AKAP6: variants seen among roughly 807,000 people sequenced by gnomAD.
The protein encoded by AKAP6 is A-kinase anchoring protein 6.
In AKAP6, 58 loss-of-function variants were observed where a neutral mutation model predicts 188.5. The ratio of observed to expected loss-of-function variants is 0.31; its 90% confidence interval spans 0.25 to 0.38. The LOEUF (loss-of-function observed/expected upper bound fraction) is 0.38, where lower values mean the gene tolerates loss of function less well. AKAP6 is among the 10% of genes least tolerant of loss of function. AKAP6 has a pLI of 1.00. For synonymous variants in AKAP6, 989 were observed against 998.6 expected (o/e 0.99, Z 0.18); for missense variants, 2,710 against 2,740.0 (o/e 0.99, Z 0.24).
At chr14:32,746,851 A>G (rs887475560) in intron 11 of AKAP6, among the ~76,000 whole-genome samples, 2 of 152,162 alleles carry the variant, frequency 1.3e-5, no homozygotes, top group Non-Finnish European at 2.9e-5. Flanking sequence ...TCCTTATTCC[A>G]TTCTGAATAC....
chr14:32,545,284 T>C lies in AKAP6; in HGVS notation c.631T>C (p.Cys211Arg). 6.2e-7 allele frequency: 1 copy of C among 1,614,186 alleles called. No homozygotes were observed. The highest frequency in any genetic ancestry group is 8.5e-7 in the Non-Finnish European group (1 of 1,180,020). Residue 211 changes from cysteine to arginine, a missense_variant, in exon 4 of 14, where the codon TGT becomes CGT. Cys to Arg is a radical substitution (Grantham distance 180). Coordinates refer to ENST00000280979, the MANE Select transcript of AKAP6 (RefSeq NM_004274.5). ...VDDSGQLTIK[C>R]SQNYLSLDCG... ...TGACTCAGGACAATTAACCATCAAA[T>C]GTTCTCAAAATTACTTGTCTCTGGA...
intron 2 of AKAP6, among the ~76,000 whole-genome samples, chr14:32,534,012 T>G (rs1478880410): frequency 6.6e-6 from 1 of 152,194 alleles, no homozygotes; most frequent in East Asian, 1.9e-4. Flanking sequence ...GTTCTTGGGT[T>G]TCAAGAACTA....
chr14:32,497,671 C>G (rs969744888), intron 2 of AKAP6, among the ~76,000 whole-genome samples: 1 of 152,014 alleles, frequency 6.6e-6, no homozygotes, highest in East Asian at 1.9e-4. Flanking sequence ...CATCTTCTCT[C>G]TATGCCCTTA....
chr14:32,390,090 C>T (rs773179697), intron 1 of AKAP6, among the ~76,000 whole-genome samples: 10 of 152,082 alleles, frequency 6.6e-5, no homozygotes, highest in Admixed American at 2.0e-4. Flanking sequence ...AGTTTGAATA[C>T]GTTGTCTTCG....
intron 4 of AKAP6, among the ~76,000 whole-genome samples, chr14:32,551,730 C>T (rs1261368423): frequency 2.6e-5 from 4 of 151,878 alleles, no homozygotes; most frequent in Non-Finnish European, 5.9e-5. Context: ...ACGATCTCGG[C>T]TCACTGCAAG....
chr14:32,348,782 G>A (rs1887162442), intron 1 of AKAP6, among the ~76,000 whole-genome samples: 1 of 152,144 alleles, frequency 6.6e-6, no homozygotes, highest in Non-Finnish European at 1.5e-5. Flanking sequence ...AAACCAGGGT[G>A]CTTTTTCCAC....
At chr14:32,535,281 A>AC (rs1448364188) in intron 2 of AKAP6, among the ~76,000 whole-genome samples, 4 of 152,212 alleles carry the variant, frequency 2.6e-5, no homozygotes, top group African/African-American at 9.6e-5. Context: ...TGCACCTCTC[A>AC]CCTTGGCTGA....
At chr14:32,671,234 A>T (rs1044251473) in intron 7 of AKAP6, among the ~76,000 whole-genome samples, 1 of 152,142 alleles carries the variant, frequency 6.6e-6, no homozygotes, top group Non-Finnish European at 1.5e-5. Flanking sequence ...TGCAAACACA[A>T]GCAAATGCCC....
At chr14:32,581,457 A>G (rs1203956366) in intron 5 of AKAP6, among the ~76,000 whole-genome samples, 4 of 152,030 alleles carry the variant, frequency 2.6e-5, no homozygotes, top group Non-Finnish European at 4.4e-5. Context: ...GTGCTGAAAA[A>G]AATGTATATT....
intron 11 of AKAP6, among the ~76,000 whole-genome samples, chr14:32,740,097 G>A (rs1002425105): frequency 1.3e-5 from 2 of 152,050 alleles, no homozygotes; most frequent in African/African-American, 4.8e-5. Flanking sequence ...TCTCATTGTA[G>A]ATTTAATTTT....
chr14:32,598,586 A>G (rs1217071638), intron 5 of AKAP6, among the ~76,000 whole-genome samples: 3 of 152,188 alleles, frequency 2.0e-5, no homozygotes, highest in Admixed American at 6.5e-5. Context: ...AAAACTGGCA[A>G]TTTTTCAAAT....
intron 4 of AKAP6, among the ~76,000 whole-genome samples, chr14:32,567,791 T>C (rs1202470274): frequency 1.3e-5 from 2 of 152,204 alleles, no homozygotes; most frequent in Non-Finnish European, 2.9e-5. Context: ...TTTTCAGGTC[T>C]GTACTTCAGT....
At chr14:32,720,103 C>A (rs1442677096) in intron 9 of AKAP6, among the ~76,000 whole-genome samples, 1 of 152,276 alleles carries the variant, frequency 6.6e-6, no homozygotes, top group Admixed American at 6.5e-5. Flanking sequence ...TACATAAATT[C>A]TCCTTTGATT....
intron 5 of AKAP6, among the ~76,000 whole-genome samples, chr14:32,582,335 T>A (rs1347348050): frequency 2.0e-5 from 3 of 152,190 alleles, no homozygotes; most frequent in Admixed American, 1.3e-4. Flanking sequence ...CACTCTCTTC[T>A]GGCTTGTAGA....
rs546109748 is a variant in AKAP6 at position 32,484,795 on chromosome 14, G to A, written c.325-50759G>A. 5.0e-3 allele frequency: 1,086 copies of A among 216,882 alleles called. 404 individuals carry two copies. The highest frequency in any genetic ancestry group is 1.0e-2 in the Middle Eastern group (9 of 902). 13.4% of individuals were successfully genotyped at this position (216,882 alleles called of 1,614,324 possible). A position where few individuals can be genotyped will look rare whatever the true frequency, so the allele number is the denominator to read the frequency against. On this transcript the variant is annotated intron_variant, in intron 2 of 13. Transcript: ENST00000280979. ...TTGTAGAGAACAATCAACGGTCGGC[G>A]AACATCAGTGGGATAAGGTAAAATG...
intron 4 of AKAP6, among the ~76,000 whole-genome samples, chr14:32,552,601 C>T (rs183331397): frequency 2.9e-4 from 44 of 152,110 alleles, no homozygotes; most frequent in African/African-American, 9.9e-4. Context: ...AAAAAACAGA[C>T]TTAATGAAGG....
intron 12 of AKAP6, among the ~76,000 whole-genome samples, chr14:32,808,619 C>T (rs1393328129): frequency 3.9e-5 from 6 of 152,146 alleles, no homozygotes; most frequent in South Asian, 2.1e-4. Flanking sequence ...TCTTGTTTTA[C>T]GGTCCGAAAG....
intron 1 of AKAP6, among the ~76,000 whole-genome samples, chr14:32,359,174 A>T (rs1305475898): frequency 6.6e-6 from 1 of 152,178 alleles, no homozygotes; most frequent in African/African-American, 2.4e-5. Flanking sequence ...GTTACAGTAG[A>T]GTTTTAGTAC....
intron 2 of AKAP6, among the ~76,000 whole-genome samples, chr14:32,481,662 C>T (rs1237892805): frequency 6.6e-6 from 1 of 152,112 alleles, no homozygotes; most frequent in Non-Finnish European, 1.5e-5. Context: ...CCACCGGGTC[C>T]CTCCCATGAC....
Sources: allele counts gnomAD v4.1 joint callset (sites outside exome capture counted in the v4.1 genomes callset), GRCh38; gene constraint gnomAD v4.1.1; transcripts MANE v1.5; gene names NCBI Gene and HGNC (gene_info 2026-07-23, HGNC 2026-07-21).